IFT80: variants seen among roughly 807,000 people sequenced by gnomAD.
The protein encoded by IFT80 is intraflagellar transport 80.
IFT80 carries 79 observed loss-of-function variants against 107.9 expected under a neutral mutation model. That is an observed-to-expected ratio of 0.73 (90% CI 0.61 to 0.88). The LOEUF (loss-of-function observed/expected upper bound fraction) is 0.88. Among genes scored for constraint, IFT80 ranks in the 40% least tolerant of loss-of-function variants. The pLI, the probability that IFT80 is intolerant of heterozygous loss-of-function variation, is 0.00. For synonymous variants in IFT80, 299 were observed against 300.9 expected (o/e 0.99, Z 0.07); for missense variants, 797 against 914.2 (o/e 0.87, Z 1.65).
intron 12 of IFT80, among the ~76,000 whole-genome samples, chr3:160,293,617 G>A (rs1472326370): frequency 6.6e-6 from 1 of 152,140 alleles, no homozygotes; most frequent in Non-Finnish European, 1.5e-5. Flanking sequence ...CTGGGCTCCT[G>A]GCAGGTAGCT....
chr3:160,382,272 A>G (rs1409903056), intron 2 of IFT80, among the ~76,000 whole-genome samples: 1 of 152,168 alleles, frequency 6.6e-6, no homozygotes, highest in Non-Finnish European at 1.5e-5. Flanking sequence ...CTAGGAAAGA[A>G]CTTATGGTTT....
chr3:160,309,670 G>A (rs1463874382), intron 9 of IFT80, among the ~76,000 whole-genome samples: 1 of 151,776 alleles, frequency 6.6e-6, no homozygotes, highest in East Asian at 1.9e-4. Context: ...CTGGGCAACA[G>A]AGCGAGACTC....
At chr3:160,284,154 T>G (rs773080017) in intron 13 of IFT80, among the ~76,000 whole-genome samples, 4 of 152,158 alleles carry the variant, frequency 2.6e-5, no homozygotes, top group Non-Finnish European at 5.9e-5. Context: ...GTGTGACATG[T>G]AGAAGACACT....
chr3:160,387,301 C>T (rs551307729), intron 1 of IFT80, among the ~76,000 whole-genome samples: 23 of 152,144 alleles, frequency 1.5e-4, no homozygotes, highest in South Asian at 1.0e-3. Context: ...GTGAGGAGTT[C>T]GAGACCAGCC....
chr3:160,352,148 G>A (rs769004053), intron 8 of IFT80, among the ~76,000 whole-genome samples: 5 of 151,416 alleles, frequency 3.3e-5, no homozygotes, highest in Non-Finnish European at 7.4e-5. Context: ...CCGCCACCAC[G>A]CCCGGCTAAT....
chr3:160,279,513 T>C (rs1714525767), intron 15 of IFT80, 149 bp from the exon 16 acceptor site: 8 of 655,662 alleles, frequency 1.2e-5, no homozygotes, highest in African/African-American at 1.8e-5. Context: ...CCAGGGAGAA[T>C]GTATATGTTC....
intron 1 of IFT80, 78 bp from the exon 2 acceptor site, chr3:160,384,724 AAAC>A: frequency 1.8e-6 from 2 of 1,103,958 alleles, no homozygotes; most frequent in East Asian, 5.3e-5. Context: ...AAGGCAAACA[AAAC>A]ATCATTGCAC....
At chr3:160,361,684 C>T (rs1231102001) in intron 6 of IFT80, among the ~76,000 whole-genome samples, 1 of 152,174 alleles carries the variant, frequency 6.6e-6, no homozygotes, top group Non-Finnish European at 1.5e-5. Context: ...GTCTCTCAGA[C>T]CACAGTGCAA....
At chr3:160,355,929 T>G in intron 8 of IFT80, 84 bp downstream of exon 8, 1 of 1,487,382 alleles carries the variant, frequency 6.7e-7, no homozygotes, top group Non-Finnish European at 9.4e-7. Flanking sequence ...ATTGAAAATG[T>G]TTTTTAAAGA....
intron 12 of IFT80, among the ~76,000 whole-genome samples, chr3:160,300,375 T>G (rs1716330402): frequency 6.6e-6 from 1 of 152,076 alleles, no homozygotes; most frequent in Non-Finnish European, 1.5e-5. Flanking sequence ...CCTGACATAC[T>G]TATATTTATT....
chr3:160,280,970 A>G (rs948658410), intron 14 of IFT80, among the ~76,000 whole-genome samples, 156 bp from the exon 15 acceptor site: 2 of 152,230 alleles, frequency 1.3e-5, no homozygotes, highest in African/African-American at 4.8e-5. Context: ...ATACCAAACA[A>G]TCACACAAGA....
intron 1 of IFT80, among the ~76,000 whole-genome samples, chr3:160,386,883 G>C (rs1430514600): frequency 2.0e-5 from 3 of 152,252 alleles, no homozygotes; most frequent in South Asian, 4.2e-4. Context: ...CAACATGCAG[G>C]GTCTTGGAAA....
intron 8 of IFT80, among the ~76,000 whole-genome samples, chr3:160,345,898 T>C (rs1232718057): frequency 6.6e-6 from 1 of 152,030 alleles, no homozygotes; most frequent in Non-Finnish European, 1.5e-5. Context: ...AGGAGTATAA[T>C]TGGATGGTTT....
rs184224645 is a variant in IFT80 at position 160,391,410 on chromosome 3, C to T, written c.-46-6764G>A. The T allele has an allele frequency of 7.3e-3, 1,108 of 152,372 alleles. 10 individuals are homozygous for T. The highest frequency in any genetic ancestry group is 0.012 in the Non-Finnish European group (815 of 68,094). 9.4% of individuals were successfully genotyped at this position (152,372 alleles called of 1,614,324 possible). A position where few individuals can be genotyped will look rare whatever the true frequency, so the allele number is the denominator to read the frequency against. On this transcript the variant is annotated intron_variant, in intron 1 of 19. Coordinates refer to ENST00000326448, the MANE Select transcript of IFT80 (RefSeq NM_020800.3). Reference sequence around the variant, plus strand: ...TAAAATTGCCCGGCACAGTGGCTCACGCCTGTAATCCCAGCACTTTGGGGG... The same window carrying T: ...TAAAATTGCCCGGCACAGTGGCTCATGCCTGTAATCCCAGCACTTTGGGGG...
At chr3:160,302,702 T>A (rs1292247802) in intron 11 of IFT80, among the ~76,000 whole-genome samples, 1 of 151,942 alleles carries the variant, frequency 6.6e-6, no homozygotes, top group East Asian at 1.9e-4. Context: ...AGAAACATGA[T>A]TTTTTAGATA....
chr3:160,273,865 G>A lies in IFT80; in HGVS notation c.2099+3441C>T, dbSNP rs79074804. Reference sequence around the variant, plus strand: ...GACTCAGAGATCTCTACCAGCACCTGACCAAACCACTGGCTTACAATTAGG... The same window carrying A: ...GACTCAGAGATCTCTACCAGCACCTAACCAAACCACTGGCTTACAATTAGG... On this transcript the variant is annotated intron_variant, in intron 18 of 19. Transcript: ENST00000326448. Among the ~76,000 whole-genome samples, 933 of 152,280 alleles carry A rather than the reference G, an allele frequency of 6.1e-3. 10 individuals are homozygous for A. Among genetic ancestry groups the A allele is most frequent in the African/African-American group, 0.022 (903 of 41,558 alleles).
intron 13 of IFT80, among the ~76,000 whole-genome samples, chr3:160,283,290 T>G (rs1229662038): frequency 2.0e-5 from 3 of 152,234 alleles, no homozygotes; most frequent in African/African-American, 7.2e-5. Flanking sequence ...GAAAATGTTT[T>G]AATATAGATT....
intron 9 of IFT80, among the ~76,000 whole-genome samples, chr3:160,314,150 C>G (rs1717616471): frequency 6.6e-6 from 1 of 152,070 alleles, no homozygotes; most frequent in Non-Finnish European, 1.5e-5. Context: ...CTCATTTCAT[C>G]TTCAATATTA....
At position 160,357,341 on chromosome 3, in the gene IFT80, A is replaced by G. The variant is rs1256147641; in HGVS notation, c.639+148T>C. On this transcript the variant is annotated intron_variant, in intron 7 of 19. Transcript: ENST00000326448. ...TAGTTTTTATGAAGTCCATGCTTTA[A>G]AATACCACTTAACATTATAAAATAA... 5.3e-6 allele frequency: 3 copies of G among 562,466 alleles called. No homozygotes were observed. The African/African-American group carries it at 5.7e-5, about 11-fold the overall frequency. The allele number at this position is 562,466 out of a possible 1,614,324, so 34.8% of individuals were successfully genotyped here.
Sources: gnomAD v4.1 joint callset for allele counts (sites outside exome capture counted in the v4.1 genomes callset) on GRCh38, gnomAD v4.1.1 for gene constraint, MANE v1.5 for transcripts, NCBI Gene and HGNC (gene_info 2026-07-23, HGNC 2026-07-21) for gene names.